SNCAIP: variants seen among roughly 807,000 people sequenced by gnomAD.
SNCAIP encodes synphilin-1.
In SNCAIP, 43 loss-of-function variants were observed where a neutral mutation model predicts 86.7. That is an observed-to-expected ratio of 0.50 (90% confidence interval 0.39 to 0.64). SNCAIP has a LOEUF of 0.64. SNCAIP is among the 30% of genes least tolerant of loss of function. SNCAIP has a pLI of 0.00. For synonymous variants in SNCAIP, 417 were observed against 427.2 expected (o/e 0.98, Z 0.29); for missense variants, 981 against 1,103.1 (o/e 0.89, Z 1.57).
chr5:122,403,304 C>T (rs984902956), intron 2 of SNCAIP, among the ~76,000 whole-genome samples: 7 of 152,156 alleles, frequency 4.6e-5, no homozygotes, highest in Admixed American at 3.9e-4. Flanking sequence ...TGGCAAGTGG[C>T]AACATTAGGA....
intron 1 of SNCAIP, among the ~76,000 whole-genome samples, chr5:122,348,052 A>G (rs1046747823): frequency 7.2e-5 from 11 of 152,164 alleles, no homozygotes; most frequent in African/African-American, 2.4e-4. Context: ...AATGATAGAA[A>G]TGTTGACAAA....
intron 10 of SNCAIP, 158 bp downstream of exon 10, chr5:122,451,759 A>C (rs951503396): frequency 1.6e-6 from 1 of 624,236 alleles, no homozygotes; most frequent in Non-Finnish European, 2.8e-6. Context: ...GTCTAATGAG[A>C]CATGTCATGT....
intron 1 of SNCAIP, among the ~76,000 whole-genome samples, chr5:122,362,991 C>G (rs1200626354): frequency 1.4e-5 from 2 of 138,254 alleles, no homozygotes; most frequent in Non-Finnish European, 3.2e-5. Context: ...ATCATAAATT[C>G]TATTTTTTTT....
chr5:122,443,749 A>T, intron 7 of SNCAIP: 1 of 440,694 alleles, frequency 2.3e-6, no homozygotes, highest in Non-Finnish European at 4.6e-6. Context: ...CCTCCCTGAA[A>T]GTTGTCCCTG....
chr5:122,416,195 T>C lies in SNCAIP; in HGVS notation c.131-6673T>C, dbSNP rs1052113856. Among the ~76,000 whole-genome samples the C allele has an allele frequency of 1.2e-4, 18 of 152,244 alleles. No homozygotes were observed. In the South Asian group the frequency reaches 3.5e-3, roughly 30 times the overall value. On this transcript the variant is annotated intron_variant, in intron 3 of 10. Coordinates refer to ENST00000261368, the MANE Select transcript of SNCAIP (RefSeq NM_005460.4). ...TAGGGTGCAAAGTTATGTGAGCAGG[T>C]CTTGACAATTCTGGGCAGAGCTGGG...
intron 2 of SNCAIP, among the ~76,000 whole-genome samples, chr5:122,399,348 A>G (rs974950009): frequency 6.6e-6 from 1 of 152,170 alleles, no homozygotes; most frequent in Non-Finnish European, 1.5e-5. Context: ...TATTAAATGA[A>G]TTATTTGTCC....
At chr5:122,433,248 A>G (rs1046549697) in intron 6 of SNCAIP, among the ~76,000 whole-genome samples, 1 of 152,022 alleles carries the variant, frequency 6.6e-6, no homozygotes, top group Non-Finnish European at 1.5e-5. Flanking sequence ...TTTTGTGTAC[A>G]TTCTCTCATT....
chr5:122,396,402 G>T (rs1770631443), intron 2 of SNCAIP, among the ~76,000 whole-genome samples: 1 of 152,120 alleles, frequency 6.6e-6, no homozygotes, highest in Admixed American at 6.6e-5. Flanking sequence ...AAATAGAGTG[G>T]TTTCTAAGAA....
intron 1 of SNCAIP, among the ~76,000 whole-genome samples, chr5:122,366,481 C>A (rs879922320): frequency 2.0e-5 from 3 of 152,196 alleles, no homozygotes; most frequent in Non-Finnish European, 4.4e-5. Context: ...TAGGAAATAT[C>A]ATTTCCTGAG....
chr5:122,413,123 C>A (rs1670450774), intron 3 of SNCAIP, among the ~76,000 whole-genome samples: 1 of 152,198 alleles, frequency 6.6e-6, no homozygotes, highest in African/African-American at 2.4e-5. Flanking sequence ...CATCTGAAGA[C>A]AATACTTCTC....
At chr5:122,462,228 T>C (rs988737735) in intron 10 of SNCAIP, among the ~76,000 whole-genome samples, 4 of 152,182 alleles carry the variant, frequency 2.6e-5, no homozygotes, top group Non-Finnish European at 4.4e-5. Context: ...GTTAGTTGGA[T>C]TCCCTGACTG....
chr5:122,418,208 G>A (rs1775683995), intron 3 of SNCAIP, among the ~76,000 whole-genome samples: 1 of 152,184 alleles, frequency 6.6e-6, no homozygotes, highest in Non-Finnish European at 1.5e-5. Context: ...GTGCTGAGAT[G>A]ATAAGGCAAA....
intron 1 of SNCAIP, chr5:122,321,780 G>A (rs1369602167): frequency 2.0e-5 from 3 of 152,102 alleles, no homozygotes; most frequent in Non-Finnish European, 2.9e-5. Context: ...GAACCACATT[G>A]GAGTCAGATT....
rs183276899 is a variant in SNCAIP at position 122,425,875 on chromosome 5, G to A, written c.1182+344G>A. Among the ~76,000 whole-genome samples the A allele has an allele frequency of 2.5e-4, 38 of 152,324 alleles. No homozygotes were observed. The East Asian group carries it at 3.9e-3, about 15-fold the overall frequency. On this transcript the variant is annotated intron_variant, in intron 5 of 10. Coordinates refer to ENST00000261368, the MANE Select transcript of SNCAIP (RefSeq NM_005460.4). ...CTAATATGACAATAATGAGCAAGACGAATGTGGGGAAGGTGTGTTTTAAGG... is the reference window on the plus strand; with the variant it reads ...CTAATATGACAATAATGAGCAAGACAAATGTGGGGAAGGTGTGTTTTAAGG...
At chr5:122,439,682 G>A (rs1241253629) in intron 6 of SNCAIP, among the ~76,000 whole-genome samples, 7 of 152,166 alleles carry the variant, frequency 4.6e-5, no homozygotes, top group Non-Finnish European at 1.0e-4. Flanking sequence ...AAAAGGCTAA[G>A]AAGAAAGAAG....
chr5:122,365,115 C>A (rs1018126227), intron 1 of SNCAIP, among the ~76,000 whole-genome samples: 2 of 152,154 alleles, frequency 1.3e-5, no homozygotes, highest in African/African-American at 4.8e-5. Flanking sequence ...GCCCCGACCC[C>A]TATTTAATCC....
At chr5:122,373,238 C>T (rs189851913) in intron 1 of SNCAIP, among the ~76,000 whole-genome samples, 7 of 152,140 alleles carry the variant, frequency 4.6e-5, no homozygotes, top group East Asian at 1.9e-4. Flanking sequence ...AGTGATGATA[C>T]CTAGGACTTT....
chr5:122,415,941 A>C (rs1030633527), intron 3 of SNCAIP, among the ~76,000 whole-genome samples: 1 of 152,246 alleles, frequency 6.6e-6, no homozygotes, highest in African/African-American at 2.4e-5. Flanking sequence ...GAAGGTCAGC[A>C]TACTTTATAG....
intron 1 of SNCAIP, among the ~76,000 whole-genome samples, chr5:122,382,267 C>T (rs1170427417): frequency 6.6e-6 from 1 of 152,044 alleles, no homozygotes; most frequent in Non-Finnish European, 1.5e-5. Context: ...CTCTAAACTT[C>T]CCTTCTCACT....
Sources: allele counts gnomAD v4.1 joint callset (sites outside exome capture counted in the v4.1 genomes callset), GRCh38; gene constraint gnomAD v4.1.1; transcripts MANE v1.5; gene names NCBI Gene and HGNC (gene_info 2026-07-23, HGNC 2026-07-21).